The following SPMIP7 variants were observed in gnomAD, a reference collection of about 807,000 sequenced individuals.
SPMIP7 encodes sperm microtubule inner protein 7, also known as protein SPMIP7.
the SPMIP7 span, among the ~76,000 whole-genome samples, chr7:50,111,723 C>A: frequency 6.6e-6 from 1 of 152,156 alleles, no homozygotes; most frequent in Non-Finnish European, 1.5e-5. Context: ...GTTGCACTTA[C>A]TATCTACTTA....
At chr7:50,116,584 G>A in the SPMIP7 span, among the ~76,000 whole-genome samples, 2 of 152,138 alleles carry the variant, frequency 1.3e-5, no homozygotes, top group Admixed American at 1.3e-4. Context: ...AATGTATTGA[G>A]AGAAAATCTA....
chr7:50,096,635 G>T, the SPMIP7 span: 1 of 1,531,104 alleles, frequency 6.5e-7, no homozygotes, highest in Non-Finnish European at 8.8e-7. Context: ...AGCAAGACTT[G>T]GAGGTAAATG....
chr7:50,130,655 A>G, the SPMIP7 span, among the ~76,000 whole-genome samples: 10,655 of 152,106 alleles, frequency 0.07, 388 homozygotes, highest in African/African-American at 0.079. Flanking sequence ...GTAGAACAGG[A>G]CAAGATCAGG....
At chr7:50,154,838 C>T in the SPMIP7 span, among the ~76,000 whole-genome samples, 2 of 152,180 alleles carry the variant, frequency 1.3e-5, no homozygotes, top group African/African-American at 2.4e-5. Context: ...TCTATCATTT[C>T]TCTACATGCT....
the SPMIP7 span, among the ~76,000 whole-genome samples, chr7:50,126,903 A>T: frequency 6.6e-6 from 1 of 152,070 alleles, no homozygotes; most frequent in Admixed American, 6.6e-5. Flanking sequence ...TAGGAATAGA[A>T]AAAATACTAA....
the SPMIP7 span, among the ~76,000 whole-genome samples, chr7:50,147,382 C>T: frequency 2.6e-5 from 4 of 152,156 alleles, no homozygotes; most frequent in Admixed American, 6.5e-5. Context: ...TTGGTGCTGG[C>T]CATGATACTT....
At chr7:50,146,541 C>A in the SPMIP7 span, among the ~76,000 whole-genome samples, 3 of 152,160 alleles carry the variant, frequency 2.0e-5, no homozygotes, top group African/African-American at 7.2e-5. Context: ...CTTGTGGCCA[C>A]GACATCTTAT....
the SPMIP7 span, among the ~76,000 whole-genome samples, chr7:50,124,498 A>G: frequency 1.3e-5 from 2 of 152,198 alleles, no homozygotes; most frequent in Non-Finnish European, 2.9e-5. Flanking sequence ...ACAAGTCTTA[A>G]TACATTTAAA....
the SPMIP7 span, among the ~76,000 whole-genome samples, chr7:50,139,496 A>G: frequency 6.6e-6 from 1 of 152,158 alleles, no homozygotes; most frequent in African/African-American, 2.4e-5. Flanking sequence ...TTATTGGTAT[A>G]TTGGTATTTT....
At chr7:50,156,328 C>T in the SPMIP7 span, among the ~76,000 whole-genome samples, 1 of 152,056 alleles carries the variant, frequency 6.6e-6, no homozygotes, top group African/African-American at 2.4e-5. Context: ...AGTGAGCTAA[C>T]TTCCTCCTGA....
chr7:50,142,174 G>C, the SPMIP7 span: 2 of 152,150 alleles, frequency 1.3e-5, no homozygotes, highest in Non-Finnish European at 2.9e-5. Context: ...TCTAAAGGAA[G>C]GATATAGGAA....
chr7:50,120,157 A>G, the SPMIP7 span: 1 of 152,090 alleles, frequency 6.6e-6, no homozygotes. Context: ...TTTCCATAAT[A>G]CCTTCCATAA....
At chr7:50,145,295 C>T in the SPMIP7 span, among the ~76,000 whole-genome samples, 1 of 150,878 alleles carries the variant, frequency 6.6e-6, no homozygotes, top group Non-Finnish European at 1.5e-5. Flanking sequence ...TTTTTCAAAT[C>T]TGTTGTTTTT....
chr7:50,139,350 A>C, the SPMIP7 span, among the ~76,000 whole-genome samples: 2 of 122,618 alleles, frequency 1.6e-5, no homozygotes, highest in African/African-American at 3.1e-5. Context: ...GCACCATCTC[A>C]AAAAAAAAAA....
chr7:50,125,113 TATACAC>T, the SPMIP7 span, among the ~76,000 whole-genome samples: 21 of 29,280 alleles, frequency 7.2e-4, 6 homozygotes, highest in South Asian at 1.1e-3. Context: ...TATATATATA[TATACAC>T]ACACACACAC....
the SPMIP7 span, among the ~76,000 whole-genome samples, chr7:50,112,469 A>G: frequency 6.6e-6 from 1 of 152,028 alleles, no homozygotes; most frequent in Non-Finnish European, 1.5e-5. Context: ...TCCCAGGTGA[A>G]AAGCTACAAA....
the SPMIP7 span, among the ~76,000 whole-genome samples, chr7:50,155,476 G>A: frequency 6.6e-5 from 10 of 152,252 alleles, no homozygotes; most frequent in African/African-American, 2.4e-4. Context: ...GGAGGGATCC[G>A]ATGCAGAGAT....
the SPMIP7 span, among the ~76,000 whole-genome samples, chr7:50,152,069 C>T: frequency 1.3e-5 from 2 of 152,200 alleles, no homozygotes; most frequent in East Asian, 3.8e-4. Context: ...GAGATGTGGC[C>T]AGGCATGGTG....
chr7:50,155,061 A>G, the SPMIP7 span, among the ~76,000 whole-genome samples: 2 of 152,154 alleles, frequency 1.3e-5, no homozygotes, highest in Non-Finnish European at 2.9e-5. Flanking sequence ...ATTGAGTTGT[A>G]TGAGTTCTTT....
Sources: allele counts gnomAD v4.1 joint callset (sites outside exome capture counted in the v4.1 genomes callset), GRCh38; gene constraint gnomAD v4.1.1; transcripts MANE v1.5; gene names NCBI Gene and HGNC (gene_info 2026-07-23, HGNC 2026-07-21).